ARHGAP11A: variants seen among roughly 807,000 people sequenced by gnomAD.
ARHGAP11A encodes the protein rho GTPase-activating protein 11A.
Under a neutral mutation model 60.5 loss-of-function variants are expected in ARHGAP11A, and 36 were observed. That is an observed-to-expected ratio of 0.59 (90% CI 0.46 to 0.79). ARHGAP11A has a LOEUF of 0.79. Ranked by LOEUF, ARHGAP11A falls within the 30% of genes least tolerant of loss-of-function variation. The pLI, the probability that ARHGAP11A is intolerant of heterozygous loss-of-function variation, is 0.00. For missense variants in ARHGAP11A, 1,071 were observed against 1,199.2 expected (o/e 0.89, Z 1.58); for synonymous variants, 362 against 415.5 (o/e 0.87, Z 1.57).
In ARHGAP11A at chr15:32,633,919, T is replaced by A; in HGVS notation, c.1236-14T>A. The A allele has an allele frequency of 6.5e-7, 1 of 1,544,186 alleles. No individual in the cohort carries two copies. The highest frequency in any genetic ancestry group is 8.8e-7 in the Non-Finnish European group (1 of 1,138,246). Reference sequence around the variant, plus strand: ...TATACTATAAACTGACATTTTTAATTCCACTTCTTCTAGAGTGGAATCAGG... The same window carrying A: ...TATACTATAAACTGACATTTTTAATACCACTTCTTCTAGAGTGGAATCAGG... On this transcript the variant is annotated splice_polypyrimidine_tract_variant and intron_variant, in intron 9 of 11. Coordinates refer to ENST00000361627, the MANE Select transcript of ARHGAP11A (RefSeq NM_014783.6).
At chr15:32,618,769 C>CG (rs2053225164) in intron 1 of ARHGAP11A, among the ~76,000 whole-genome samples, 2 of 104,084 alleles carry the variant, frequency 1.9e-5, no homozygotes, top group Non-Finnish European at 4.0e-5. Context: ...CCCCCCCCCC[C>CG]CCGCCCCACG....
Position 32,625,194 on chromosome 15 carries a change from A to G in ARHGAP11A, c.666A>G (p.Arg222=). ...KMSSNTEKKL[R]LQAAVVQTLI... ...CTTCTAACACAGAAAAGAAGCTACGATTACAGGCTGCAGTAGTACAGACTC... is the reference window on the plus strand; with the variant it reads ...CTTCTAACACAGAAAAGAAGCTACGGTTACAGGCTGCAGTAGTACAGACTC... The change falls in exon 5 of 12, where the codon CGA becomes CGG. Residue 222 remains arginine, a synonymous_variant. Coordinates refer to ENST00000361627, the MANE Select transcript of ARHGAP11A (RefSeq NM_014783.6). The G allele has an allele frequency of 6.2e-7, 1 of 1,613,926 alleles. No individual in the cohort carries two copies. Among genetic ancestry groups the G allele is most frequent in the Non-Finnish European group, 8.5e-7 (1 of 1,179,828 alleles).
At position 32,633,014 on chromosome 15, in the gene ARHGAP11A, A is replaced by T. The variant is rs923365990; in HGVS notation, c.1141A>T (p.Ser381Cys). The T allele has an allele frequency of 1.9e-6, 3 of 1,613,920 alleles. No individual in the cohort carries two copies. The highest frequency in any genetic ancestry group is 2.7e-5 in the African/African-American group (2 of 74,936). Residue 381 changes from serine to cysteine, a missense_variant, in exon 9 of 12, where the codon AGT becomes TGT. Physicochemically the swap from Ser to Cys is moderately radical, Grantham distance 112 (BLOSUM62 -1). Coordinates refer to ENST00000361627, the MANE Select transcript of ARHGAP11A (RefSeq NM_014783.6). The stretch of plus-strand genomic sequence containing the variant: ...TACAAGCTCAGAAGGGTCATCTCAG[A>T]GTTCACTCTCTCCTGTACTCATTGG... ...IDTSSEGSSQSSLSPVLIGGN... is the reference protein window; with the variant it reads ...IDTSSEGSSQCSLSPVLIGGN...
At chr15:32,621,777 G>A (rs999538955) in intron 2 of ARHGAP11A, among the ~76,000 whole-genome samples, 94 of 145,062 alleles carry the variant, frequency 6.5e-4, no homozygotes, top group Admixed American at 8.5e-4. Flanking sequence ...AGCCAAAATT[G>A]TACCACTGCA....
chr15:32,628,276 A>G (rs895700357), intron 6 of ARHGAP11A, among the ~76,000 whole-genome samples: 1 of 152,216 alleles, frequency 6.6e-6, no homozygotes, highest in Admixed American at 6.5e-5. Flanking sequence ...ACTTTAGTCA[A>G]ACTATGTTAT....
intron 1 of ARHGAP11A, among the ~76,000 whole-genome samples, chr15:32,619,462 G>C (rs2053244147): frequency 1.3e-5 from 2 of 152,150 alleles, no homozygotes. Context: ...AAATTTGAAT[G>C]TGAGGTTTTA....
intron 9 of ARHGAP11A, 73 bp downstream of exon 9, chr15:32,633,181 CTTT>C: frequency 6.5e-7 from 1 of 1,527,002 alleles, no homozygotes. Context: ...AATGTTTTGT[CTTT>C]CTGTCAAGCA....
intron 6 of ARHGAP11A, among the ~76,000 whole-genome samples, chr15:32,625,984 T>C (rs943862717): frequency 3.9e-5 from 6 of 152,048 alleles, no homozygotes; most frequent in African/African-American, 1.4e-4. Flanking sequence ...AGAAGGATGC[T>C]ATGAAGAAAG....
intron 9 of ARHGAP11A, among the ~76,000 whole-genome samples, chr15:32,633,385 A>G (rs2053629799): frequency 6.6e-6 from 1 of 152,152 alleles, no homozygotes; most frequent in Non-Finnish European, 1.5e-5. Context: ...TTATGCCTGT[A>G]ATCCTAGCAC....
At position 32,632,998 on chromosome 15, in the gene ARHGAP11A, A is replaced by G; in HGVS notation, c.1125A>G (p.Ser375=). The change falls in exon 9 of 12, where the codon TCA becomes TCG. Residue 375 remains serine (S), a synonymous_variant. Transcript: ENST00000361627. ...TTGTAGTTCACATCGATACAAGCTCAGAAGGGTCATCTCAGAGTTCACTCT... is the reference window on the plus strand; with the variant it reads ...TTGTAGTTCACATCGATACAAGCTCGGAAGGGTCATCTCAGAGTTCACTCT... ...TPVSVHIDTS[S]EGSSQSSLSP... is the part of the protein sequence containing the mutation. 1 of 1,613,796 alleles carries G rather than the reference A, an allele frequency of 6.2e-7. No homozygotes were observed. The highest frequency in any genetic ancestry group is 8.5e-7 in the Non-Finnish European group (1 of 1,179,738).
chr15:32,636,880 A>C lies in ARHGAP11A; in HGVS notation c.2107A>C (p.Ile703Leu). 6.2e-7 allele frequency: 1 copy of C among 1,613,028 alleles called. No homozygotes were observed. The highest frequency in any genetic ancestry group is 2.2e-5 in the East Asian group (1 of 44,862). ...GATGAAGATGGAACATGAAAAAGAC[A>C]TTCATTCAAATATGCCAAAAGATTA... ...TQMKMEHEKD[I>L]HSNMPKDYLS... The change falls in exon 12 of 12, where the codon ATT becomes CTT. Residue 703 changes from isoleucine to leucine, a missense_variant. Transcript: ENST00000361627.
In ARHGAP11A at chr15:32,635,831, C is replaced by A. The variant is rs940264635; in HGVS notation, c.1399C>A (p.Gln467Lys). 5 of 1,610,274 alleles carry A rather than the reference C, an allele frequency of 3.1e-6. No homozygotes were observed. Among genetic ancestry groups the A allele is most frequent in the Non-Finnish European group, 4.2e-6 (5 of 1,178,816 alleles). The change falls in exon 11 of 12, where the codon CAA becomes AAA. Residue 467 changes from glutamine to lysine, a missense_variant. Coordinates refer to ENST00000361627, the MANE Select transcript of ARHGAP11A (RefSeq NM_014783.6). ...YESVGWRLANQQSLKNRIESV... is the reference protein window; with the variant it reads ...YESVGWRLANKQSLKNRIESV... The stretch of plus-strand genomic sequence containing the variant: ...AAGTGTTGGTTGGCGACTTGCAAAT[C>A]AACAAAGTTTAAAAAATCGAATTGA...
Position 32,625,255 on chromosome 15 carries a change from T to C in ARHGAP11A, c.715+12T>C. 8 of 1,586,946 alleles carry C rather than the reference T, an allele frequency of 5.0e-6. No individual in the cohort carries two copies. Among genetic ancestry groups the C allele is most frequent in the Non-Finnish European group, 6.9e-6 (8 of 1,166,396 alleles). ...TGCATCAGATATTGGTAAGATGTAG[T>C]TGCATTATTAACAGAATTTGTTTAA... is the stretch of plus-strand genomic sequence containing the variant. On this transcript the variant is annotated intron_variant, in intron 5 of 11. Transcript: ENST00000361627.
intron 1 of ARHGAP11A, among the ~76,000 whole-genome samples, chr15:32,616,666 C>A (rs1401486627): frequency 6.6e-6 from 1 of 152,144 alleles, no homozygotes. Context: ...GTCTTTTACC[C>A]ACTAGATGCT....
intron 4 of ARHGAP11A, among the ~76,000 whole-genome samples, chr15:32,624,862 C>CT (rs1036953730): frequency 4.0e-5 from 6 of 151,476 alleles, no homozygotes; most frequent in Non-Finnish European, 7.4e-5. Context: ...AGTATGAACT[C>CT]TAAGATTAGC....
chr15:32,629,525 T>A, intron 7 of ARHGAP11A, 70 bp from the exon 8 acceptor site: 1 of 1,309,210 alleles, frequency 7.6e-7, no homozygotes, highest in Non-Finnish European at 1.0e-6. Flanking sequence ...AAGAAGAAAT[T>A]ATGTAAAGCT....
At chr15:32,622,648 A>G (rs2053364826) in intron 2 of ARHGAP11A, among the ~76,000 whole-genome samples, 1 of 151,852 alleles carries the variant, frequency 6.6e-6, no homozygotes, top group African/African-American at 2.4e-5. Context: ...TGTGGGTCCC[A>G]GCTGTTCAAT....
intron 1 of ARHGAP11A, among the ~76,000 whole-genome samples, chr15:32,616,850 A>G (rs1204882799): frequency 2.0e-5 from 3 of 152,264 alleles, no homozygotes; most frequent in African/African-American, 7.2e-5. Context: ...GAATCTGTAG[A>G]TGAAGAAGTA....
rs551273427 is a variant in ARHGAP11A, at chr15:32,615,816, C to T, written c.-396C>T. On this transcript the variant is annotated 5_prime_UTR_variant, in exon 1 of 12. It adds an upstream start codon to the 5' untranslated region. Transcript: ENST00000361627. ...TCTTCACATTTCAGAGCGAACCAGA[C>T]GGGGACAGTAAGGTTTGGAGGAAGG... 4.6e-4 allele frequency: 91 copies of T among 197,558 alleles called. 3 individuals are homozygous for T. In the South Asian group the frequency reaches 0.01, roughly 22 times the overall value. The allele number at this position is 197,558 out of a possible 1,614,324, so 12.2% of individuals were successfully genotyped here. A position where few individuals can be genotyped will look rare whatever the true frequency, so the allele number is the denominator to read the frequency against.
Sources: gnomAD v4.1 joint callset for allele counts (sites outside exome capture counted in the v4.1 genomes callset) on GRCh38, gnomAD v4.1.1 for gene constraint, MANE v1.5 for transcripts, NCBI Gene and HGNC (gene_info 2026-07-23, HGNC 2026-07-21) for gene names.